The following TDP2 variants were observed in gnomAD, a reference collection of about 807,000 sequenced individuals.
The protein encoded by TDP2 is 5'-Tyr-DNA phosphodiesterase.
In TDP2, 38 loss-of-function variants were observed where a neutral mutation model predicts 42.8. That is an observed-to-expected ratio of 0.89 (90% confidence interval 0.68 to 1.16). TDP2 has a LOEUF of 1.16. Among genes scored for constraint, TDP2 ranks in the 50% most tolerant of loss-of-function variants. The probability of loss-of-function intolerance (pLI) is 0.00; values close to 1 mark genes in which losing one functional copy is unlikely to be tolerated. For missense variants in TDP2, 439 were observed against 439.3 expected (o/e 1.00, Z 0.01); for synonymous variants, 173 against 150.6 (o/e 1.15, Z -1.09).
chr6:24,666,889 T>C lies in TDP2; in HGVS notation c.-27A>G, dbSNP rs201132552. 8.1e-4 allele frequency: 1,299 copies of C among 1,611,616 alleles called. 2 individuals are homozygous for C. Among genetic ancestry groups the C allele is most frequent in the South Asian group, 1.2e-3 (111 of 91,088 alleles). On this transcript the variant is annotated 5_prime_UTR_variant, in exon 1 of 7. Coordinates refer to ENST00000378198, the MANE Select transcript of TDP2 (RefSeq NM_016614.3). ...TTCCTGCCGCCTCTGCACCGCCCCT[T>C]TAAGCGGAACAGGAGGCCAACGCGC...
At chr6:24,655,299 GT>G (rs1402923948) in intron 4 of TDP2, among the ~76,000 whole-genome samples, 17 of 152,186 alleles carry the variant, frequency 1.1e-4, no homozygotes, top group Non-Finnish European at 2.5e-4. Flanking sequence ...GCTTCCAACA[GT>G]TTTTCAGAAA....
intron 2 of TDP2, among the ~76,000 whole-genome samples, chr6:24,660,754 G>A (rs1196527608): frequency 6.6e-6 from 1 of 152,160 alleles, no homozygotes; most frequent in Non-Finnish European, 1.5e-5. Context: ...TAGATGGCAT[G>A]TCTCTTTTAA....
chr6:24,666,271 ACATTACATTTC>A (rs1778233547), intron 2 of TDP2: 2 of 1,543,318 alleles, frequency 1.3e-6, no homozygotes, highest in Non-Finnish European at 1.8e-6. Flanking sequence ...TTTGAGTTAA[ACATTACATTTC>A]CATCTTTTCC....
chr6:24,657,899 T>C lies in TDP2; in HGVS notation c.430A>G (p.Ser144Gly), dbSNP rs1434340879. Reference sequence around the variant, plus strand: ...TCCTGTAGAAATATCACATCTGGGCTGTACCTAATGAAAAACATCAATTTA... The same window carrying C: ...TCCTGTAGAAATATCACATCTGGGCCGTACCTAATGAAAAACATCAATTTA... ...RGVCSYLALY[S>G]PDVIFLQEVI... is the part of the protein sequence containing the mutation. The change falls in exon 4 of 7, where the codon AGC becomes GGC. Residue 144 changes from serine (S) to glycine (G), a missense_variant. Physicochemically the swap from Ser to Gly is moderately conservative, Grantham distance 56 (BLOSUM62 0). Transcript: ENST00000378198. The C allele has an allele frequency of 6.5e-7, 1 of 1,549,814 alleles. No individual in the cohort carries two copies. The highest frequency in any genetic ancestry group is 8.7e-7 in the Non-Finnish European group (1 of 1,146,036).
chr6:24,666,681 G>C lies in TDP2; in HGVS notation c.165+17C>G, dbSNP rs1312194003. On this transcript the variant is annotated intron_variant, in intron 1 of 6. Coordinates refer to ENST00000378198, the MANE Select transcript of TDP2 (RefSeq NM_016614.3). The stretch of plus-strand genomic sequence containing the variant: ...ACCTAGGTAATGGAGCCGGAAGCGA[G>C]GACAGCGAAAGCGTACTTCCATCTC... The C allele has an allele frequency of 1.2e-6, 2 of 1,614,186 alleles. No individual in the cohort carries two copies. Among genetic ancestry groups the C allele is most frequent in the South Asian group, 2.2e-5 (2 of 91,086 alleles).
At chr6:24,663,650 T>C (rs377302932) in intron 2 of TDP2, among the ~76,000 whole-genome samples, 3 of 152,138 alleles carry the variant, frequency 2.0e-5, no homozygotes, top group African/African-American at 7.2e-5. Context: ...TGTTTAAAAG[T>C]ATGTGGCACC....
intron 3 of TDP2, 98 bp from the exon 4 acceptor site, chr6:24,658,001 A>G (rs753090527): frequency 4.0e-6 from 3 of 743,628 alleles, no homozygotes; most frequent in Non-Finnish European, 6.6e-6. Context: ...AAAACAAAAA[A>G]CCCTCTAGGG....
chr6:24,657,044 A>C (rs1387241790), intron 4 of TDP2, among the ~76,000 whole-genome samples: 7 of 152,234 alleles, frequency 4.6e-5, no homozygotes, highest in Non-Finnish European at 8.8e-5. Flanking sequence ...CATACTATAT[A>C]AAAATGAAAG....
At position 24,666,895 on chromosome 6, in the gene TDP2, G is replaced by A; in HGVS notation, c.-33C>T. On this transcript the variant is annotated 5_prime_UTR_variant, in exon 1 of 7. Transcript: ENST00000378198. ...CCGCCTCTGCACCGCCCCTTTAAGC[G>A]GAACAGGAGGCCAACGCGCGGCTCT... 1 of 1,610,484 alleles carries A rather than the reference G, an allele frequency of 6.2e-7. No homozygotes were observed. The highest frequency in any genetic ancestry group is 8.5e-7 in the Non-Finnish European group (1 of 1,179,958).
At chr6:24,652,788 T>C (rs1777995574) in intron 6 of TDP2, 195 bp downstream of exon 6, 7 of 574,030 alleles carry the variant, frequency 1.2e-5, no homozygotes, top group Admixed American at 6.1e-5. Flanking sequence ...CACATTTTTA[T>C]TTTCCTCCAA....
rs546574066 is a variant in TDP2 at position 24,665,858 on chromosome 6, A to G, written c.251+668T>C. 16 of 383,416 alleles carry G rather than the reference A, an allele frequency of 4.2e-5. No individual in the cohort carries two copies. In the East Asian group the frequency reaches 6.1e-4, roughly 15 times the overall value. 23.8% of individuals were successfully genotyped at this position (383,416 alleles called of 1,614,324 possible). On this transcript the variant is annotated intron_variant, in intron 2 of 6. Transcript: ENST00000378198. Reference sequence around the variant, plus strand: ...AGCTTGGGGCTTTAAGACAAATATTAGCAAGGAAGGGAAAAGAAAAAAATT... The same window carrying G: ...AGCTTGGGGCTTTAAGACAAATATTGGCAAGGAAGGGAAAAGAAAAAAATT...
chr6:24,658,439 C>T, intron 3 of TDP2, 122 bp downstream of exon 3: 3 of 716,994 alleles, frequency 4.2e-6, no homozygotes, highest in Non-Finnish European at 6.3e-6. Context: ...CTTAATTCTT[C>T]AGATGTTTCT....
chr6:24,661,525 T>C (rs1408318337), intron 2 of TDP2, among the ~76,000 whole-genome samples: 4 of 152,234 alleles, frequency 2.6e-5, no homozygotes, highest in African/African-American at 9.6e-5. Flanking sequence ...CATTTCTTTT[T>C]AACTTCTTTT....
At position 24,661,588 on chromosome 6, in the gene TDP2, A is replaced by G. The variant is rs17249904; in HGVS notation, c.252-2854T>C. On this transcript the variant is annotated intron_variant, in intron 2 of 6. Coordinates refer to ENST00000378198, the MANE Select transcript of TDP2 (RefSeq NM_016614.3). ...TCTATGAAATCAGTCATTTCTGAAA[A>G]GCCCTTGTTCCTTTCAGTGAAGAAT... is the stretch of plus-strand genomic sequence containing the variant. 1.8e-3 allele frequency among the ~76,000 whole-genome samples: 281 copies of G among 152,308 alleles called. 2 individuals are homozygous for G. The highest frequency in any genetic ancestry group is 6.2e-3 in the African/African-American group (257 of 41,574).
At chr6:24,653,923 T>A (rs1232608868) in intron 5 of TDP2, among the ~76,000 whole-genome samples, 1 of 152,178 alleles carries the variant, frequency 6.6e-6, no homozygotes, top group Non-Finnish European at 1.5e-5. Context: ...TCAAATACCA[T>A]CTCCTCTATA....
chr6:24,662,487 C>T (rs752994041), intron 2 of TDP2, among the ~76,000 whole-genome samples: 29 of 152,200 alleles, frequency 1.9e-4, no homozygotes, highest in African/African-American at 7.0e-4. Context: ...ACGTGCATAT[C>T]CAGACATAGC....
intron 4 of TDP2, among the ~76,000 whole-genome samples, chr6:24,656,580 C>T (rs185626389): frequency 3.3e-5 from 5 of 152,052 alleles, no homozygotes; most frequent in Non-Finnish European, 7.4e-5. Flanking sequence ...CCAAAGAACA[C>T]GAGGGTTAAA....
At chr6:24,666,366 C>CGCA (rs1273457418) in intron 2 of TDP2, 160 bp downstream of exon 2, 18 of 1,436,510 alleles carry the variant, frequency 1.3e-5, no homozygotes, top group African/African-American at 1.4e-5. Flanking sequence ...CGCAACTCCG[C>CGCA]GCAGCAGCAG....
At chr6:24,663,695 T>C (rs1778189603) in intron 2 of TDP2, among the ~76,000 whole-genome samples, 1 of 152,202 alleles carries the variant, frequency 6.6e-6, no homozygotes, top group Non-Finnish European at 1.5e-5. Flanking sequence ...CTCCATGTGA[T>C]ACCTGGGCTC....
Sources: allele counts gnomAD v4.1 joint callset (sites outside exome capture counted in the v4.1 genomes callset), GRCh38; gene constraint gnomAD v4.1.1; transcripts MANE v1.5; gene names NCBI Gene and HGNC (gene_info 2026-07-23, HGNC 2026-07-21).